LHPP: variants seen among roughly 807,000 people sequenced by gnomAD.
LHPP encodes the protein phospholysine phosphohistidine inorganic pyrophosphate phosphatase.
LHPP carries 24 observed loss-of-function variants against 30.3 expected under a neutral mutation model. The observed-to-expected ratio is 0.79, with a 90% CI of 0.57 to 1.11. The LOEUF is 1.11. Among genes scored for constraint, LHPP ranks in the 50% most tolerant of loss-of-function variants. The probability of loss-of-function intolerance (pLI) is 0.00; values close to 1 mark genes in which losing one functional copy is unlikely to be tolerated. For missense variants in LHPP, 356 were observed against 367.2 expected, an observed-to-expected ratio of 0.97 and a Z score of 0.25; for synonymous variants, 150 against 157.1, an observed-to-expected ratio of 0.95 and a Z score of 0.34.
chr10:124,511,004 G>A (rs7082588), intron 5 of LHPP, among the ~76,000 whole-genome samples: 18,834 of 152,224 alleles, frequency 0.12, 1,497 homozygotes, highest in South Asian at 0.31. Flanking sequence ...GGGAGCACGC[G>A]GTGCCACTGG....
chr10:124,471,358 C>T (rs1952726780), intron 1 of LHPP, among the ~76,000 whole-genome samples: 1 of 136,028 alleles, frequency 7.4e-6, no homozygotes, highest in Non-Finnish European at 1.5e-5. Context: ...ACTTATCCAA[C>T]CAAATGAAAT....
intron 6 of LHPP, chr10:124,612,873 C>G (rs1949220043): frequency 4.5e-6 from 1 of 222,974 alleles, no homozygotes; most frequent in Admixed American, 5.1e-5. Flanking sequence ...TCCCACGGGG[C>G]ACTAGGCCAG....
chr10:124,604,863 G>A (rs1219127092), intron 6 of LHPP, among the ~76,000 whole-genome samples: 1 of 152,232 alleles, frequency 6.6e-6, no homozygotes, highest in African/African-American at 2.4e-5. Flanking sequence ...GCCTCCAGTT[G>A]TGAGAGTCTC....
chr10:124,498,977 G>C (rs2133877254), intron 5 of LHPP, among the ~76,000 whole-genome samples: 1 of 151,726 alleles, frequency 6.6e-6, no homozygotes, highest in East Asian at 1.9e-4. Flanking sequence ...CACCTCCTGG[G>C]TTCAAGCAAT....
chr10:124,585,487 C>T (rs757710912), intron 6 of LHPP, among the ~76,000 whole-genome samples: 30 of 151,796 alleles, frequency 2.0e-4, no homozygotes, highest in African/African-American at 3.4e-4. Context: ...TGGTGGCTGG[C>T]GCCTGTAGTC....
chr10:124,508,887 A>G (rs1456482925), intron 5 of LHPP, among the ~76,000 whole-genome samples: 1 of 151,998 alleles, frequency 6.6e-6, no homozygotes, highest in Non-Finnish European at 1.5e-5. Flanking sequence ...GTTAACTTAT[A>G]TTTTAGGTTC....
chr10:124,535,826 C>T (rs1397230827), intron 6 of LHPP, among the ~76,000 whole-genome samples: 5 of 152,252 alleles, frequency 3.3e-5, no homozygotes, highest in Non-Finnish European at 5.9e-5. Flanking sequence ...AGCTCAGTGC[C>T]ACAGGGCTGC....
At chr10:124,507,064 G>A (rs1217322397) in intron 5 of LHPP, among the ~76,000 whole-genome samples, 1 of 26,012 alleles carries the variant, frequency 3.8e-5, no homozygotes, top group African/African-American at 2.1e-4. Flanking sequence ...TCAGGTGTAG[G>A]GGTAGACAGG....
At chr10:124,473,053 G>C (rs1203297286) in intron 1 of LHPP, among the ~76,000 whole-genome samples, 1 of 152,180 alleles carries the variant, frequency 6.6e-6, no homozygotes, top group South Asian at 2.1e-4. Flanking sequence ...CTCAGCCTTG[G>C]TGGGCGGGGG....
intron 3 of LHPP, chr10:124,490,524 C>T: frequency 2.8e-6 from 1 of 352,548 alleles, no homozygotes; most frequent in Non-Finnish European, 5.8e-6. Context: ...ACCGTGACTC[C>T]CTCCTTAAAA....
chr10:124,565,078 G>A (rs776540979), intron 6 of LHPP, among the ~76,000 whole-genome samples: 1 of 152,114 alleles, frequency 6.6e-6, no homozygotes, highest in Non-Finnish European at 1.5e-5. Context: ...GCATCTTTAT[G>A]CATTCTGCTC....
chr10:124,597,318 G>A (rs982011766), intron 6 of LHPP, among the ~76,000 whole-genome samples: 3 of 152,216 alleles, frequency 2.0e-5, no homozygotes, highest in Non-Finnish European at 4.4e-5. Context: ...CCTCTGGGGA[G>A]CCCTGCCTAA....
At position 124,507,086 on chromosome 10, in the gene LHPP, G is replaced by C. The variant is rs201835389; in HGVS notation, c.624+8958G>C. Among the ~76,000 whole-genome samples the C allele has an allele frequency of 5.2e-3, 184 of 35,268 alleles. 35 individuals carry two copies. The highest frequency in any genetic ancestry group is 0.023 in the East Asian group (13 of 566). 23.1% of individuals were successfully genotyped at this position (35,268 alleles called of 152,430 possible). A position where few individuals can be genotyped will look rare whatever the true frequency, so the allele number is the denominator to read the frequency against. On this transcript the variant is annotated intron_variant, in intron 5 of 6. Coordinates refer to ENST00000368842, the MANE Select transcript of LHPP (RefSeq NM_022126.4). The stretch of plus-strand genomic sequence containing the variant: ...TAGGGGTAGACAGGATTTCAGGTGG[G>C]GGGGTAGGGAGGATTTCAGGTGCAG...
At chr10:124,599,612 C>A (rs1489058067) in intron 6 of LHPP, among the ~76,000 whole-genome samples, 1 of 152,228 alleles carries the variant, frequency 6.6e-6, no homozygotes, top group Non-Finnish European at 1.5e-5. Context: ...CCAAGTCCCA[C>A]GTGTCACTGG....
chr10:124,600,773 G>A (rs1432870143), intron 6 of LHPP, among the ~76,000 whole-genome samples: 1 of 152,222 alleles, frequency 6.6e-6, no homozygotes, highest in African/African-American at 2.4e-5. Context: ...TTCTAGGAGG[G>A]CCGAGGCTCA....
At chr10:124,464,220 C>T (rs1487891794) in intron 1 of LHPP, among the ~76,000 whole-genome samples, 1 of 152,168 alleles carries the variant, frequency 6.6e-6, no homozygotes, top group East Asian at 1.9e-4. Context: ...GATAGGCAGC[C>T]GGGAAGGGCT....
At chr10:124,528,987 A>G (rs1954814169) in intron 6 of LHPP, among the ~76,000 whole-genome samples, 1 of 150,040 alleles carries the variant, frequency 6.7e-6, no homozygotes, top group African/African-American at 2.5e-5. Flanking sequence ...TTTTTATGGC[A>G]CAATCGCCCC....
intron 6 of LHPP, among the ~76,000 whole-genome samples, chr10:124,570,834 A>G (rs1044342674): frequency 1.3e-5 from 2 of 152,236 alleles, no homozygotes; most frequent in Non-Finnish European, 2.9e-5. Context: ...ATATTCCACT[A>G]TGTGGATAGG....
intron 6 of LHPP, among the ~76,000 whole-genome samples, chr10:124,518,682 G>A (rs1012742313): frequency 5.9e-5 from 9 of 152,232 alleles, no homozygotes; most frequent in African/African-American, 2.2e-4. Flanking sequence ...GGAGAAACAT[G>A]TCTGTCCTGA....
Sources: gnomAD v4.1 joint callset for allele counts (sites outside exome capture counted in the v4.1 genomes callset) on GRCh38, gnomAD v4.1.1 for gene constraint, MANE v1.5 for transcripts, NCBI Gene and HGNC (gene_info 2026-07-23, HGNC 2026-07-21) for gene names.